C8orf34: variants seen among roughly 807,000 people sequenced by gnomAD.
C8orf34 encodes uncharacterized protein C8orf34.
C8orf34 carries 65 observed loss-of-function variants against 68.3 expected under a neutral mutation model. That is an observed-to-expected ratio of 0.95 (90% CI 0.78 to 1.17). The LOEUF is 1.17. C8orf34 is among the 50% of genes most tolerant of loss of function. C8orf34 has a pLI of 0.00. For missense variants in C8orf34, 664 were observed against 655.4 expected (o/e 1.01, Z -0.14); for synonymous variants, 244 against 241.2 (o/e 1.01, Z -0.11).
At chr8:68,745,127 C>A (rs1412449786) in intron 10 of C8orf34, among the ~76,000 whole-genome samples, 1 of 151,966 alleles carries the variant, frequency 6.6e-6, no homozygotes, top group East Asian at 1.9e-4. Context: ...TCATATCCAG[C>A]CAAACTAAGC....
chr8:68,409,879 T>G (rs1013849658), intron 1 of C8orf34, among the ~76,000 whole-genome samples: 1 of 152,162 alleles, frequency 6.6e-6, no homozygotes, highest in Admixed American at 6.6e-5. Context: ...TTTAGATAGA[T>G]TTAGATACAC....
chr8:68,799,721 G>T (rs530620513), intron 12 of C8orf34, among the ~76,000 whole-genome samples: 1 of 152,270 alleles, frequency 6.6e-6, no homozygotes, highest in Non-Finnish European at 1.5e-5. Context: ...TCAAGTTATA[G>T]AGAAGTCCAT....
intron 10 of C8orf34, among the ~76,000 whole-genome samples, chr8:68,726,199 T>C (rs1821825902): frequency 6.6e-6 from 1 of 152,170 alleles, no homozygotes; most frequent in Admixed American, 6.5e-5. Flanking sequence ...TGAGCCACCA[T>C]GCCTGGTCAC....
Position 68,468,672 on chromosome 8 carries a change from A to G in C8orf34, c.608-20A>G, listed in dbSNP as rs1236982683. On this transcript the variant is annotated intron_variant, in intron 3 of 13. Coordinates refer to ENST00000518698, the MANE Select transcript of C8orf34 (RefSeq NM_052958.4). ...CATTATGTAGCATGCTTATGAAATTACCATTTTTTTTAAACATAGTGCCAA... is the reference window on the plus strand; with the variant it reads ...CATTATGTAGCATGCTTATGAAATTGCCATTTTTTTTAAACATAGTGCCAA... 4 of 1,607,842 alleles carry G rather than the reference A, an allele frequency of 2.5e-6. No individual in the cohort carries two copies. The highest frequency in any genetic ancestry group is 2.7e-5 in the African/African-American group (2 of 74,660).
intron 1 of C8orf34, among the ~76,000 whole-genome samples, chr8:68,399,501 T>C (rs183813056): frequency 6.6e-6 from 1 of 152,304 alleles, no homozygotes; most frequent in African/African-American, 2.4e-5. Context: ...TTCATTCTTT[T>C]ATGGCCAAAT....
chr8:68,508,753 CAG>C (rs1455993196), intron 5 of C8orf34, among the ~76,000 whole-genome samples: 1 of 151,922 alleles, frequency 6.6e-6, no homozygotes, highest in Non-Finnish European at 1.5e-5. Context: ...AAGGGGATGA[CAG>C]AAATGCAAGA....
chr8:68,570,624 G>C (rs1816734625), intron 7 of C8orf34, among the ~76,000 whole-genome samples: 1 of 152,104 alleles, frequency 6.6e-6, no homozygotes, highest in Non-Finnish European at 1.5e-5. Flanking sequence ...CATTGGTTCC[G>C]ATATTTCCCC....
At chr8:68,393,236 A>G (rs1380160609) in intron 1 of C8orf34, among the ~76,000 whole-genome samples, 1 of 152,106 alleles carries the variant, frequency 6.6e-6, no homozygotes, top group Admixed American at 6.6e-5. Flanking sequence ...AATATTTTCC[A>G]CACATTACAA....
chr8:68,664,759 A>G (rs1474900667), intron 8 of C8orf34, among the ~76,000 whole-genome samples: 1 of 152,180 alleles, frequency 6.6e-6, no homozygotes, highest in African/African-American at 2.4e-5. Context: ...GCCACAGCAC[A>G]GCAAGTCTGG....
intron 1 of C8orf34, among the ~76,000 whole-genome samples, chr8:68,402,688 A>G (rs150726278): frequency 6.6e-6 from 1 of 152,168 alleles, no homozygotes; most frequent in African/African-American, 2.4e-5. Context: ...TTTAATTTCC[A>G]TTTATTAATT....
At chr8:68,583,183 G>C (rs1817115749) in intron 7 of C8orf34, among the ~76,000 whole-genome samples, 1 of 152,018 alleles carries the variant, frequency 6.6e-6, no homozygotes, top group African/African-American at 2.4e-5. Flanking sequence ...GTCTTTTACA[G>C]TTATATTTTG....
At chr8:68,694,175 A>G (rs1039027668) in intron 8 of C8orf34, among the ~76,000 whole-genome samples, 1 of 152,100 alleles carries the variant, frequency 6.6e-6, no homozygotes, top group Admixed American at 6.6e-5. Context: ...TTAATTATCC[A>G]GGAAAACAAG....
intron 7 of C8orf34, among the ~76,000 whole-genome samples, chr8:68,581,760 G>A (rs1304486744): frequency 6.6e-6 from 1 of 152,094 alleles, no homozygotes; most frequent in Admixed American, 6.5e-5. Flanking sequence ...TCACATTCCT[G>A]AAACAGGCTG....
intron 4 of C8orf34, among the ~76,000 whole-genome samples, chr8:68,477,686 G>T (rs1478077008): frequency 6.6e-6 from 1 of 152,212 alleles, no homozygotes; most frequent in Non-Finnish European, 1.5e-5. Flanking sequence ...TCTCCATGAG[G>T]GCTCCACCCG....
At chr8:68,799,661 C>G (rs1210412774) in intron 12 of C8orf34, among the ~76,000 whole-genome samples, 1 of 152,186 alleles carries the variant, frequency 6.6e-6, no homozygotes, top group Non-Finnish European at 1.5e-5. Context: ...AGTCAACATA[C>G]ATATACTGAG....
intron 7 of C8orf34, among the ~76,000 whole-genome samples, chr8:68,589,393 G>A (rs755353204): frequency 6.6e-6 from 1 of 150,770 alleles, no homozygotes; most frequent in Non-Finnish European, 1.5e-5. Flanking sequence ...AAGAGGGGAA[G>A]GAAGGAAGAG....
intron 1 of C8orf34, among the ~76,000 whole-genome samples, chr8:68,400,407 ATT>A (rs1808896717): frequency 6.8e-6 from 1 of 147,568 alleles, no homozygotes; most frequent in East Asian, 1.9e-4. Context: ...CCCCAGCACT[ATT>A]TATTGCAAAG....
chr8:68,540,028 A>T (rs1433815490), intron 7 of C8orf34, among the ~76,000 whole-genome samples: 2 of 152,156 alleles, frequency 1.3e-5, no homozygotes, highest in Non-Finnish European at 2.9e-5. Flanking sequence ...ATGGTAAACT[A>T]GTCCTATGTG....
At chr8:68,349,994 C>A (rs1010602463) in intron 1 of C8orf34, among the ~76,000 whole-genome samples, 1 of 151,492 alleles carries the variant, frequency 6.6e-6, no homozygotes, top group African/African-American at 2.4e-5. Flanking sequence ...TGTTATTTCT[C>A]ATCTTCTCCT....
Sources: allele counts gnomAD v4.1 joint callset (sites outside exome capture counted in the v4.1 genomes callset), GRCh38; gene constraint gnomAD v4.1.1; transcripts MANE v1.5; gene names NCBI Gene and HGNC (gene_info 2026-07-23, HGNC 2026-07-21).